The following IFT57 variants were observed in gnomAD, a reference collection of about 807,000 sequenced individuals.
The protein encoded by IFT57 is intraflagellar transport protein 57 homolog.
IFT57 carries 59 observed loss-of-function variants against 56.8 expected under a neutral mutation model. The ratio of observed to expected loss-of-function variants is 1.04; its 90% confidence interval spans 0.84 to 1.29. The LOEUF (loss-of-function observed/expected upper bound fraction) is 1.29, where lower values mean the gene tolerates loss of function less well. Ranked by LOEUF, IFT57 falls within the 50% of genes most tolerant of loss-of-function variation. The probability of loss-of-function intolerance (pLI) is 0.00; values close to 1 mark genes in which losing one functional copy is unlikely to be tolerated. For synonymous variants in IFT57, 209 were observed against 186.1 expected (o/e 1.12, Z -1.00); for missense variants, 470 against 522.1 (o/e 0.90, Z 0.97).
At chr3:108,216,058 T>A (rs1042773942) in intron 3 of IFT57, among the ~76,000 whole-genome samples, 2 of 152,282 alleles carry the variant, frequency 1.3e-5, no homozygotes, top group Non-Finnish European at 2.9e-5. Context: ...AAACACTTCA[T>A]GACATTGGTC....
At chr3:108,169,283 A>G (rs148185543) in intron 6 of IFT57, among the ~76,000 whole-genome samples, 2,598 of 151,546 alleles carry the variant, frequency 0.017, 40 homozygotes, top group Middle Eastern at 0.028. Context: ...GGCCACATAA[A>G]TGTCTTCTTC....
At chr3:108,199,924 A>G (rs1168045739) in intron 5 of IFT57, among the ~76,000 whole-genome samples, 3 of 152,230 alleles carry the variant, frequency 2.0e-5, no homozygotes, top group Non-Finnish European at 4.4e-5. Context: ...TAGAAAAGAG[A>G]CAATAGGAAA....
At chr3:108,191,225 T>C (rs1292249827) in intron 6 of IFT57, among the ~76,000 whole-genome samples, 3 of 152,222 alleles carry the variant, frequency 2.0e-5, no homozygotes, top group Non-Finnish European at 4.4e-5. Flanking sequence ...GGAATTCCTA[T>C]TCATCTAAAC....
intron 9 of IFT57, among the ~76,000 whole-genome samples, chr3:108,165,203 G>A (rs2080054779): frequency 6.6e-6 from 1 of 152,058 alleles, no homozygotes; most frequent in Admixed American, 6.6e-5. Context: ...CTAATATTAT[G>A]AGCAGGTTTT....
At chr3:108,184,448 G>C (rs2080168652) in intron 6 of IFT57, among the ~76,000 whole-genome samples, 1 of 151,938 alleles carries the variant, frequency 6.6e-6, no homozygotes, top group Middle Eastern at 3.4e-3. Context: ...TTAAGAAAAA[G>C]TTAGGTATGT....
chr3:108,188,969 G>A (rs894933003), intron 6 of IFT57, among the ~76,000 whole-genome samples: 1 of 152,138 alleles, frequency 6.6e-6, no homozygotes, highest in Non-Finnish European at 1.5e-5. Context: ...GTGGGATTAA[G>A]CTGTACTTGA....
intron 4 of IFT57, 73 bp downstream of exon 4, chr3:108,213,858 G>T: frequency 3.6e-6 from 3 of 827,802 alleles, no homozygotes; most frequent in Non-Finnish European, 6.0e-6. Context: ...GATAATGGAA[G>T]TCTGGGGGAA....
rs534339811 is a variant in IFT57 at position 108,184,758 on chromosome 3, C to T, written c.777+6763G>A. Among the ~76,000 whole-genome samples, 6 of 152,248 alleles carry T rather than the reference C, an allele frequency of 3.9e-5. No homozygotes were observed. The East Asian group carries it at 1.2e-3, about 29-fold the overall frequency. On this transcript the variant is annotated intron_variant, in intron 6 of 10. Coordinates refer to ENST00000264538, the MANE Select transcript of IFT57 (RefSeq NM_018010.4). ...ATTGCTTAAAATGTGTGAGGTTAAT[C>T]ATGTCCAAGTGAGCAGTTAGTCTCT...
chr3:108,188,749 G>A (rs1432846111), intron 6 of IFT57, among the ~76,000 whole-genome samples: 2 of 152,166 alleles, frequency 1.3e-5, no homozygotes, highest in Non-Finnish European at 2.9e-5. Context: ...GGATTTTGAT[G>A]ATGGCAATAC....
In IFT57 at chr3:108,162,439, A is replaced by G. The variant is rs1490799343; in HGVS notation, c.*38T>C. On this transcript the variant is annotated 3_prime_UTR_variant, in exon 11 of 11. Coordinates refer to ENST00000264538, the MANE Select transcript of IFT57 (RefSeq NM_018010.4). ...CAACATGAAATATAGTTTGATATAA[A>G]AAACCCAACTAATCAGAAACATGAA... 1 of 1,521,076 alleles carries G rather than the reference A, an allele frequency of 6.6e-7. No individual in the cohort carries two copies. The highest frequency in any genetic ancestry group is 1.3e-5 in the South Asian group (1 of 79,966). The allele number at this position is 1,521,076 out of a possible 1,614,324, so 94.2% of individuals were successfully genotyped here. A position where few individuals can be genotyped will look rare whatever the true frequency, so the allele number is the denominator to read the frequency against.
At chr3:108,173,536 TG>T (rs767009265) in intron 6 of IFT57, among the ~76,000 whole-genome samples, 59 of 151,840 alleles carry the variant, frequency 3.9e-4, no homozygotes, top group Admixed American at 3.9e-4. Context: ...TTACCTTCAA[TG>T]TGCTTGAAAG....
intron 6 of IFT57, among the ~76,000 whole-genome samples, chr3:108,186,506 A>G (rs999910972): frequency 6.6e-6 from 1 of 152,140 alleles, no homozygotes; most frequent in African/African-American, 2.4e-5. Context: ...AACAAATTTG[A>G]TACTGGACAA....
intron 6 of IFT57, among the ~76,000 whole-genome samples, chr3:108,180,491 C>A (rs17829434): frequency 0.096 from 14,638 of 151,968 alleles, 769 homozygotes; most frequent in Middle Eastern, 0.12. Context: ...AGTACTCCCA[C>A]CTTCAGGAAT....
At chr3:108,170,998 CA>C (rs1202345514) in intron 6 of IFT57, among the ~76,000 whole-genome samples, 1 of 151,886 alleles carries the variant, frequency 6.6e-6, no homozygotes, top group Non-Finnish European at 1.5e-5. Context: ...GTAAGTGATG[CA>C]ACTAGGCTAT....
Position 108,162,491 on chromosome 3 carries a change from T to C in IFT57, c.1276A>G (p.Thr426Ala), listed in dbSNP as rs751413320. 1 of 1,599,724 alleles carries C rather than the reference T, an allele frequency of 6.3e-7. No individual in the cohort carries two copies. Reference protein sequence around the residue: ...MHATVIPEPATGFY With the variant: ...MHATVIPEPAAGFY ...ACCAGTATGTTTTAATAAAAGCCTG[T>C]TGCTGGTTCTGGAATAACTGTGGCA... The change falls in exon 11 of 11, where the codon ACA becomes GCA. Residue 426 changes from threonine to alanine, a missense_variant. Thr to Ala is a moderately conservative substitution (Grantham distance 58). Transcript: ENST00000264538.
At position 108,222,184 on chromosome 3, in the gene IFT57, A is replaced by C; in HGVS notation, c.139T>G (p.Leu47Val). The C allele has an allele frequency of 6.2e-7, 1 of 1,614,086 alleles. No homozygotes were observed. The highest frequency in any genetic ancestry group is 1.3e-5 in the African/African-American group (1 of 75,052). ...AYHMFVVMED[L>V]VEKLKLLRYE... ...CGGAGCAGCTTCAGCTTCTCCACCA[A>C]GTCCTCCATCACCACGAACATGTGG... Residue 47 changes from leucine to valine, a missense_variant, in exon 1 of 11, where the codon TTG becomes GTG. Physicochemically the swap from Leu to Val is conservative, Grantham distance 32. Coordinates refer to ENST00000264538, the MANE Select transcript of IFT57 (RefSeq NM_018010.4).
intron 8 of IFT57, among the ~76,000 whole-genome samples, chr3:108,165,795 G>A (rs914186672): frequency 6.6e-6 from 1 of 152,052 alleles, no homozygotes; most frequent in African/African-American, 2.4e-5. Flanking sequence ...CAGTTTAGGA[G>A]AGGGGCTCTT....
chr3:108,219,681 A>T, intron 1 of IFT57, 109 bp from the exon 2 acceptor site: 4 of 1,140,672 alleles, frequency 3.5e-6, no homozygotes, highest in Non-Finnish European at 3.8e-6. Flanking sequence ...CTTCCCCCCA[A>T]ATGGCCATCA....
intron 5 of IFT57, among the ~76,000 whole-genome samples, chr3:108,198,163 G>T (rs145930038): frequency 6.6e-6 from 1 of 152,134 alleles, no homozygotes; most frequent in African/African-American, 2.4e-5. Context: ...TCTTGTGATT[G>T]GTAGGTCAGG....
Sources: allele counts gnomAD v4.1 joint callset (sites outside exome capture counted in the v4.1 genomes callset), GRCh38; gene constraint gnomAD v4.1.1; transcripts MANE v1.5; gene names NCBI Gene and HGNC (gene_info 2026-07-23, HGNC 2026-07-21).